Variants in NOS1AP observed in about 807,000 individuals in gnomAD.
The protein encoded by NOS1AP is nitric oxide synthase 1 adaptor protein.
NOS1AP carries 21 observed loss-of-function variants against 56.2 expected under a neutral mutation model. The ratio of observed to expected loss-of-function variants is 0.37; its 90% CI spans 0.26 to 0.54. The LOEUF is 0.54. NOS1AP is among the 20% of genes least tolerant of loss of function. The pLI, the probability that NOS1AP is intolerant of heterozygous loss-of-function variation, is 0.84. For synonymous variants in NOS1AP, 270 were observed against 274.6 expected (o/e 0.98, Z 0.17); for missense variants, 522 against 657.8 (o/e 0.79, Z 2.26).
chr1:162,261,844 G>T (rs1295131448), intron 2 of NOS1AP, among the ~76,000 whole-genome samples: 1 of 152,182 alleles, frequency 6.6e-6, no homozygotes, highest in African/African-American at 2.4e-5. Flanking sequence ...GCTGGGAAAA[G>T]ATCGGTAAAC....
At chr1:162,355,446 G>A (rs913636571) in intron 7 of NOS1AP, 93 bp downstream of exon 7, 5 of 1,498,998 alleles carry the variant, frequency 3.3e-6, no homozygotes, top group African/African-American at 1.4e-5. Flanking sequence ...GCTTCCGAGT[G>A]AGGCACTCCA....
Position 162,367,336 on chromosome 1 carries a change from T to TCGGAGTA in NOS1AP, c.1393_1399dup (p.Glu467GlyfsTer38). The TCGGAGTA allele has an allele frequency of 6.2e-7, 1 of 1,613,138 alleles. No individual in the cohort carries two copies. The highest frequency in any genetic ancestry group is 8.5e-7 in the Non-Finnish European group (1 of 1,179,886). Reference sequence around the variant, plus strand: ...CAAGTTCCGAGAGTCAGGCATCGCCTCGGAGTACGAGTCCAACACGGACGA... The same window carrying TCGGAGTA: ...CAAGTTCCGAGAGTCAGGCATCGCCTCGGAGTACGGAGTACGAGTCCAACACGGACGA... On this transcript the variant is annotated frameshift_variant, in exon 10 of 10. Coordinates refer to ENST00000361897, the MANE Select transcript of NOS1AP (RefSeq NM_014697.3). LOFTEE classifies it high-confidence loss of function. The surrounding 1 kb of genome is among the most constrained non-coding windows in gnomAD (Gnocchi z 6.5).
At chr1:162,145,690 T>G (rs1445004813) in intron 1 of NOS1AP, among the ~76,000 whole-genome samples, 1 of 152,164 alleles carries the variant, frequency 6.6e-6, no homozygotes, top group Non-Finnish European at 1.5e-5. Context: ...GTTCTCTGTT[T>G]CTGGAAGCTA....
chr1:162,077,540 G>A lies in NOS1AP; in HGVS notation c.105+7258G>A, dbSNP rs1024924424. Among the ~76,000 whole-genome samples, 2 of 152,024 alleles carry A rather than the reference G, an allele frequency of 1.3e-5. 1 individual carries two copies. The highest frequency in any genetic ancestry group is 4.2e-4 in the South Asian group (2 of 4,818). On this transcript the variant is annotated intron_variant, in intron 1 of 9. Coordinates refer to ENST00000361897, the MANE Select transcript of NOS1AP (RefSeq NM_014697.3). ...TTTGCAATATTTTTACCCATTCTGT[G>A]GTCTTTTCACTTTCTTGGTATTGTC...
intron 1 of NOS1AP, among the ~76,000 whole-genome samples, chr1:162,101,561 C>T (rs1383173765): frequency 6.6e-6 from 1 of 152,156 alleles, no homozygotes; most frequent in African/African-American, 2.4e-5. Context: ...ATTGATTCTA[C>T]CTATCCATGA....
chr1:162,129,390 C>A (rs1309850298), intron 1 of NOS1AP, among the ~76,000 whole-genome samples: 1 of 152,176 alleles, frequency 6.6e-6, no homozygotes, highest in Non-Finnish European at 1.5e-5. Flanking sequence ...CCCACAGCAT[C>A]TACTCCCTAT....
intron 2 of NOS1AP, among the ~76,000 whole-genome samples, chr1:162,280,720 G>A (rs1437420624): frequency 6.6e-6 from 1 of 152,126 alleles, no homozygotes. Context: ...TTTGGAGATT[G>A]CAGAGATTTT....
chr1:162,086,553 T>C (rs1692007344), intron 1 of NOS1AP, among the ~76,000 whole-genome samples: 1 of 152,110 alleles, frequency 6.6e-6, no homozygotes, highest in Non-Finnish European at 1.5e-5. Context: ...GTGCCATTGG[T>C]CTTGAATGAA....
chr1:162,192,631 C>T (rs1325834475), intron 2 of NOS1AP, among the ~76,000 whole-genome samples: 1 of 152,202 alleles, frequency 6.6e-6, no homozygotes, highest in Non-Finnish European at 1.5e-5. Context: ...GTGGGCACTG[C>T]CTCTTTGCTT....
chr1:162,302,334 G>GA (rs1156799412), intron 4 of NOS1AP, among the ~76,000 whole-genome samples: 1 of 152,092 alleles, frequency 6.6e-6, no homozygotes, highest in Non-Finnish European at 1.5e-5. Flanking sequence ...ATTAATATCT[G>GA]AAAATTAACA....
At chr1:162,186,342 T>TA (rs2102150594) in intron 2 of NOS1AP, among the ~76,000 whole-genome samples, 1 of 152,118 alleles carries the variant, frequency 6.6e-6, no homozygotes, top group East Asian at 1.9e-4. Flanking sequence ...CTGTTTTTTT[T>TA]AATGTAAAGC....
intron 2 of NOS1AP, among the ~76,000 whole-genome samples, chr1:162,156,496 T>C (rs1378685589): frequency 6.6e-6 from 1 of 152,158 alleles, no homozygotes; most frequent in Non-Finnish European, 1.5e-5. Flanking sequence ...TCTGGAGGTG[T>C]TACAGTTGTT....
chr1:162,237,945 A>T (rs1653359213), intron 2 of NOS1AP, among the ~76,000 whole-genome samples: 1 of 152,102 alleles, frequency 6.6e-6, no homozygotes, highest in South Asian at 2.1e-4. Context: ...GAGGAGTGTG[A>T]AGCACTTTGG....
chr1:162,145,794 T>C (rs1414680983), intron 1 of NOS1AP, among the ~76,000 whole-genome samples: 2 of 152,068 alleles, frequency 1.3e-5, no homozygotes, highest in African/African-American at 4.8e-5. Context: ...TCTTTATGCT[T>C]TTGTGTGTTT....
At chr1:162,104,479 C>T (rs764762643) in intron 1 of NOS1AP, among the ~76,000 whole-genome samples, 90 of 151,968 alleles carry the variant, frequency 5.9e-4, no homozygotes, top group Non-Finnish European at 1.2e-3. Context: ...GGTAGTTCTC[C>T]TGCATGATAT....
intron 8 of NOS1AP, chr1:162,363,261 C>A (rs1452156140): frequency 1.3e-5 from 2 of 152,620 alleles, no homozygotes; most frequent in Non-Finnish European, 2.9e-5. Flanking sequence ...GAGCAACTGA[C>A]AGAACTCAGG....
Position 162,369,399 on chromosome 1 carries a change from G to T in NOS1AP, c.*1932G>T, listed in dbSNP as rs1479523413. ...ACCTAGCTTATGAAATCTAACCCAG[G>T]GTTCCCTGAGTCCAAGACCACTTAG... is the stretch of plus-strand genomic sequence containing the variant. On this transcript the variant is annotated 3_prime_UTR_variant, in exon 10 of 10. Coordinates refer to ENST00000361897, the MANE Select transcript of NOS1AP (RefSeq NM_014697.3). 4 of 152,114 alleles carry T rather than the reference G, an allele frequency of 2.6e-5. No individual in the cohort carries two copies. The highest frequency in any genetic ancestry group is 9.7e-5 in the African/African-American group (4 of 41,400). 9.4% of individuals were successfully genotyped at this position (152,114 alleles called of 1,614,324 possible).
At chr1:162,198,615 A>T (rs577451031) in intron 2 of NOS1AP, among the ~76,000 whole-genome samples, 8 of 152,230 alleles carry the variant, frequency 5.3e-5, no homozygotes, top group African/African-American at 1.9e-4. Flanking sequence ...GTACATCTGC[A>T]TGGTATTTGT....
Position 162,226,931 on chromosome 1 carries a change from A to T in NOS1AP, c.178-60413A>T, listed in dbSNP as rs188080635. Among the ~76,000 whole-genome samples the T allele has an allele frequency of 1.8e-4, 25 of 138,438 alleles. 1 individual carries two copies. In the East Asian group the frequency reaches 3.6e-3, roughly 20 times the overall value. The allele number at this position is 138,438 out of a possible 152,430, so 90.8% of individuals were successfully genotyped here. ...GTATACTAGTGACTTTTTTTTTTTT[A>T]AATCCCCAGAGGGCCAGTTTGTCTA... On this transcript the variant is annotated intron_variant, in intron 2 of 9. Transcript: ENST00000361897.
Sources: gnomAD v4.1 joint callset for allele counts (sites outside exome capture counted in the v4.1 genomes callset) on GRCh38, gnomAD v4.1.1 for gene constraint, Gnocchi (gnomAD v3.1) non-coding constraint, MANE v1.5 for transcripts, NCBI Gene and HGNC (gene_info 2026-07-23, HGNC 2026-07-21) for gene names.